BEAN1: variants seen among roughly 807,000 people sequenced by gnomAD.
BEAN1 encodes the protein brain expressed associated with NEDD4 1.
A neutral mutation model predicts 17.7 loss-of-function variants in BEAN1; 17 were observed. The ratio of observed to expected loss-of-function variants is 0.96; its 90% CI spans 0.66 to 1.44. The LOEUF (loss-of-function observed/expected upper bound fraction) is 1.44. Among genes scored for constraint, BEAN1 ranks in the 40% most tolerant of loss-of-function variants. BEAN1 has a pLI of 0.00. For synonymous variants in BEAN1, 142 were observed against 151.8 expected, an observed-to-expected ratio of 0.94 and a Z score of 0.47; for missense variants, 359 against 374.1, an observed-to-expected ratio of 0.96 and a Z score of 0.33.
chr16:66,488,568 G>A lies in BEAN1; in HGVS notation c.148-4394G>A, dbSNP rs552206386. Among the ~76,000 whole-genome samples the A allele has an allele frequency of 2.6e-5, 4 of 151,674 alleles. No individual in the cohort carries two copies. The East Asian group carries it at 7.8e-4, about 30-fold the overall frequency. ...GTTTTAATTAGCCAGATGCTATGGG[G>A]TGTGCCTGTAGTCCCAGCTACAGGG... On this transcript the variant is annotated intron_variant, in intron 4 of 4. Coordinates refer to the BEAN1 transcript ENST00000561796.
chr16:66,481,531 G>A lies in BEAN1; in HGVS notation c.*606G>A, dbSNP rs954514823. On this transcript the variant is annotated 3_prime_UTR_variant, in exon 5 of 5. Coordinates refer to ENST00000536005, the MANE Select transcript of BEAN1 (RefSeq NM_001178020.3). This position sits in a 1 kb window ranked among gnomAD's most constrained non-coding sequence, Gnocchi z 4.1. ...CCACCCTGCCACTTACAAGGTGGGG[G>A]ACCTGGGTCTGGGGTCTCAGGCGCA... is the stretch of plus-strand genomic sequence containing the variant. 6.3e-6 allele frequency: 2 copies of A among 315,798 alleles called. No homozygotes were observed. The highest frequency in any genetic ancestry group is 1.1e-5 in the Non-Finnish European group (2 of 174,088). 19.6% of individuals were successfully genotyped at this position (315,798 alleles called of 1,614,324 possible).
intron 2 of BEAN1, among the ~76,000 whole-genome samples, chr16:66,440,519 G>C (rs1253530578): frequency 1.3e-5 from 2 of 152,108 alleles, no homozygotes; most frequent in African/African-American, 4.8e-5. Flanking sequence ...CAGCCTCTCA[G>C]ACCATCTGAC....
chr16:66,428,827 C>T (rs1455688749), intron 1 of BEAN1, among the ~76,000 whole-genome samples: 2 of 152,156 alleles, frequency 1.3e-5, no homozygotes, highest in African/African-American at 4.8e-5. Flanking sequence ...CCTTTGAATT[C>T]CCCAAGCTGT....
exon 5 of BEAN1, chr16:66,493,037 C>A (rs971079701): frequency 1.4e-6 from 1 of 703,012 alleles, no homozygotes; most frequent in Non-Finnish European, 2.6e-6. Context: ...CCTGGGCAGG[C>A]TGGGCTACAC....
At chr16:66,443,196 G>A (rs1403462196) in intron 2 of BEAN1, among the ~76,000 whole-genome samples, 1 of 152,224 alleles carries the variant, frequency 6.6e-6, no homozygotes, top group Non-Finnish European at 1.5e-5. Flanking sequence ...GATGGAGGGA[G>A]TGACTTCAGC....
intron 2 of BEAN1, among the ~76,000 whole-genome samples, chr16:66,449,451 T>TA (rs1485445965): frequency 6.6e-6 from 1 of 151,500 alleles, no homozygotes; most frequent in African/African-American, 2.4e-5. Context: ...CTACTAAATA[T>TA]ACAAAATTAG....
chr16:66,490,769 G>A, intron 4 of BEAN1, among the ~76,000 whole-genome samples: 1 of 152,178 alleles, frequency 6.6e-6, no homozygotes, highest in Non-Finnish European at 1.5e-5. Flanking sequence ...TTTTTGTGGG[G>A]CAGGGGGACA....
intron 2 of BEAN1, among the ~76,000 whole-genome samples, chr16:66,456,606 C>T (rs1962876315): frequency 6.6e-6 from 1 of 152,158 alleles, no homozygotes; most frequent in African/African-American, 2.4e-5. Flanking sequence ...AAAATGAGAG[C>T]TTGGTGTGGG....
At chr16:66,483,120 CG>C (rs1964034091), downstream of BEAN1, 1 of 318,786 alleles carries the variant, frequency 3.1e-6, no homozygotes, top group Non-Finnish European at 6.1e-6. Flanking sequence ...CTCAGCCTCC[CG>C]AGTAGGGTTT....
intron 2 of BEAN1, among the ~76,000 whole-genome samples, chr16:66,462,285 C>T (rs942050024): frequency 2.0e-5 from 3 of 152,228 alleles, no homozygotes; most frequent in Non-Finnish European, 2.9e-5. Context: ...CTTTAGTTTA[C>T]AGTAGCCAAG....
intron 2 of BEAN1, among the ~76,000 whole-genome samples, chr16:66,439,000 A>C (rs1260885566): frequency 6.6e-6 from 1 of 151,990 alleles, no homozygotes; most frequent in Non-Finnish European, 1.5e-5. Flanking sequence ...AATCTGTGCC[A>C]TTGTTTACGT....
intron 4 of BEAN1, among the ~76,000 whole-genome samples, chr16:66,489,771 C>T (rs1233567742): frequency 6.6e-6 from 1 of 152,166 alleles, no homozygotes; most frequent in East Asian, 1.9e-4. Context: ...TTTATAGGAT[C>T]ATGCTGGAGG....
intron 2 of BEAN1, among the ~76,000 whole-genome samples, chr16:66,444,683 T>C (rs953452519): frequency 6.6e-6 from 1 of 152,156 alleles, no homozygotes; most frequent in Non-Finnish European, 1.5e-5. Context: ...CTTGCTCACA[T>C]CATTTGTGTA....
intron 3 of BEAN1, among the ~76,000 whole-genome samples, chr16:66,474,614 G>GAGGGAGGGAGGGAGGGAGGGAGGGAGGA (rs1567505240): frequency 7.0e-5 from 1 of 14,282 alleles, no homozygotes; most frequent in Admixed American, 4.9e-4. Context: ...GAGAGGGAGG[G>GAGGGAGGGAGGGAGGGAGGGAGGGAGGA]AGGAAGGGAG....
intron 2 of BEAN1, among the ~76,000 whole-genome samples, chr16:66,445,344 T>C (rs1962406165): frequency 1.3e-5 from 2 of 150,882 alleles, no homozygotes. Context: ...GGCGTGGTGG[T>C]GGGCGCCTGT....
rs544183197 is a variant in BEAN1, at chr16:66,427,843, G to C, written c.-83+412G>C. 6.6e-6 allele frequency: 1 copy of C among 152,364 alleles called. No homozygotes were observed. The highest frequency in any genetic ancestry group is 6.5e-5 in the Admixed American group (1 of 15,300). The allele number at this position is 152,364 out of a possible 1,614,324, so 9.4% of individuals were successfully genotyped here. A position where few individuals can be genotyped will look rare whatever the true frequency, so the allele number is the denominator to read the frequency against. On this transcript the variant is annotated intron_variant, in intron 1 of 4. Coordinates refer to ENST00000536005, the MANE Select transcript of BEAN1 (RefSeq NM_001178020.3). The surrounding 1 kb of genome is among the most constrained non-coding windows in gnomAD (Gnocchi z 4.7). Reference sequence around the variant, plus strand: ...ACCCCTGAACAACCCAACCAAGAAGGGAAAACTAGGGCGCACTCTCGGTCG... The same window carrying C: ...ACCCCTGAACAACCCAACCAAGAAGCGAAAACTAGGGCGCACTCTCGGTCG...
intron 2 of BEAN1, among the ~76,000 whole-genome samples, chr16:66,466,152 G>A (rs561312939): frequency 1.3e-3 from 200 of 152,280 alleles, no homozygotes; most frequent in Non-Finnish European, 2.4e-3. Flanking sequence ...CTTCTGGGCC[G>A]GGCGTGGTGG....
At chr16:66,460,535 C>A (rs949109803) in intron 2 of BEAN1, among the ~76,000 whole-genome samples, 18 of 152,204 alleles carry the variant, frequency 1.2e-4, no homozygotes, top group African/African-American at 4.3e-4. Flanking sequence ...TCCCCAGGCA[C>A]CTGCCTGCTG....
intron 2 of BEAN1, among the ~76,000 whole-genome samples, chr16:66,467,506 G>C (rs1963299313): frequency 6.6e-6 from 1 of 152,182 alleles, no homozygotes; most frequent in Non-Finnish European, 1.5e-5. Context: ...CAGCATGGGA[G>C]AAACTGCCCC....
Sources: gnomAD v4.1 joint callset for allele counts (sites outside exome capture counted in the v4.1 genomes callset) on GRCh38, gnomAD v4.1.1 for gene constraint, Gnocchi (gnomAD v3.1) non-coding constraint, MANE v1.5 for transcripts, NCBI Gene and HGNC (gene_info 2026-07-23, HGNC 2026-07-21) for gene names.